KMT2D: variants seen among roughly 807,000 people sequenced by gnomAD.
The protein encoded by KMT2D is histone-lysine N-methyltransferase 2D.
KMT2D carries 55 observed loss-of-function variants against 512.7 expected under a neutral mutation model. That is an observed-to-expected ratio of 0.11 (90% CI 0.09 to 0.13). The LOEUF (loss-of-function observed/expected upper bound fraction) is 0.13, where lower values mean the gene tolerates loss of function less well. Among genes scored for constraint, KMT2D ranks in the 10% least tolerant of loss-of-function variants. The probability of loss-of-function intolerance (pLI) is 1.00; values close to 1 mark genes in which losing one functional copy is unlikely to be tolerated. For synonymous variants in KMT2D, 2,995 were observed against 2,904.0 expected (o/e 1.03, Z -1.01); for missense variants, 6,061 against 7,127.9 (o/e 0.85, Z 5.39).
In KMT2D at chr12:49,024,204, G is replaced by C. The variant is rs1942461144; in HGVS notation, c.16052+374C>G. 1 of 440,614 alleles carries C rather than the reference G, an allele frequency of 2.3e-6. No homozygotes were observed. Among genetic ancestry groups the C allele is most frequent in the African/African-American group, 2.0e-5 (1 of 49,736 alleles). The allele number at this position is 440,614 out of a possible 1,614,324, so 27.3% of individuals were successfully genotyped here. ...TTGACACCAACACTCATGGGGAAGGGAAGGTGACCCTAGCACCCATGGGGT... is the reference window on the plus strand; with the variant it reads ...TTGACACCAACACTCATGGGGAAGGCAAGGTGACCCTAGCACCCATGGGGT... On this transcript the variant is annotated intron_variant, in intron 51 of 54. Transcript: ENST00000301067. This position sits in a 1 kb window ranked among gnomAD's most constrained non-coding sequence, Gnocchi z 4.5.
Position 49,022,008 on chromosome 12 carries a change from C to T in KMT2D, c.16521+35G>A, listed in dbSNP as rs1267457205. 6.3e-7 allele frequency: 1 copy of T among 1,588,748 alleles called. No individual in the cohort carries two copies. Among genetic ancestry groups the T allele is most frequent in the South Asian group, 1.1e-5 (1 of 90,520 alleles). On this transcript the variant is annotated intron_variant, in intron 54 of 54. Coordinates refer to ENST00000301067, the MANE Select transcript of KMT2D (RefSeq NM_003482.4). This position sits in a 1 kb window ranked among gnomAD's most constrained non-coding sequence, Gnocchi z 8.6. The stretch of plus-strand genomic sequence containing the variant: ...AGAGAAGGGGTGAAAGGAGGAGGAG[C>T]TGCTTTGTCACTCAGTCAGGATACT...
intron 48 of KMT2D, 91 bp downstream of exon 48, chr12:49,027,712 C>A: frequency 6.7e-7 from 1 of 1,492,908 alleles, no homozygotes; most frequent in Non-Finnish European, 9.1e-7. Flanking sequence ...GCCTTGCCTC[C>A]CAAAGCACTG....
rs778603250 is a variant in KMT2D at position 49,041,107 on chromosome 12, G to T, written c.6663C>A (p.Gly2221=). ...MLGASSRPGA[G]QPGEFHTTPP... The stretch of plus-strand genomic sequence containing the variant: ...GGGTAGTGTGGAATTCCCCTGGCTG[G>T]CCAGCCCCAGGACGAGATGAGGCGC... Residue 2221 remains glycine (G), a synonymous_variant, in exon 32 of 55, where the codon GGC becomes GGA. Transcript: ENST00000301067. The surrounding 1 kb of genome is among the most constrained non-coding windows in gnomAD (Gnocchi z 5.4). The T allele has an allele frequency of 6.5e-7, 1 of 1,531,304 alleles. No homozygotes were observed. The highest frequency in any genetic ancestry group is 2.3e-5 in the East Asian group (1 of 44,308). The allele number at this position is 1,531,304 out of a possible 1,614,324, so 94.9% of individuals were successfully genotyped here. A position where few individuals can be genotyped will look rare whatever the true frequency, so the allele number is the denominator to read the frequency against.
chr12:49,051,004 G>A lies in KMT2D; in HGVS notation c.2679C>T (p.Pro893=), dbSNP rs2120661557. The change falls in exon 11 of 55, where the codon CCC becomes CCT. Residue 893 remains proline (P), a synonymous_variant. Transcript: ENST00000301067. ...FPPPGEPSLS[P]LLGEPALSEP... ...CAGACAGGGCTGGCTCTCCAAGCAA[G>A]GGAGATAAGGATGGTTCCCCAGGGG... 1 of 1,570,796 alleles carries A rather than the reference G, an allele frequency of 6.4e-7. No individual in the cohort carries two copies. The highest frequency in any genetic ancestry group is 1.4e-5 in the African/African-American group (1 of 73,564).
rs1943094357 is a variant in KMT2D at position 49,034,077 on chromosome 12, T to C, written c.10730A>G (p.Gln3577Arg). The change falls in exon 39 of 55, where the codon CAA becomes CGA. Residue 3577 changes from glutamine (Q) to arginine (R), a missense_variant. Gln to Arg is a conservative substitution (Grantham distance 43). Coordinates refer to ENST00000301067, the MANE Select transcript of KMT2D (RefSeq NM_003482.4). ...TTTGCTTTCCCCCACCTGATCCAGTTGTTTCTGGATCTTGCTCTGCTGCTC... is the reference window on the plus strand; with the variant it reads ...TTTGCTTTCCCCCACCTGATCCAGTCGTTTCTGGATCTTGCTCTGCTGCTC... ...VTEQQSKIQKQLDQVRKQQKE... is the reference protein window; with the variant it reads ...VTEQQSKIQKRLDQVRKQQKE... The C allele has an allele frequency of 1.2e-6, 2 of 1,612,108 alleles. No individual in the cohort carries two copies. The highest frequency in any genetic ancestry group is 1.7e-6 in the Non-Finnish European group (2 of 1,179,660).
At position 49,026,633 on chromosome 12, in the gene KMT2D, A is replaced by G. The variant is rs755656371; in HGVS notation, c.15333T>C (p.Asn5111=). Residue 5111 remains asparagine (N), a synonymous_variant, in exon 49 of 55, where the codon AAT becomes AAC. Coordinates refer to ENST00000301067, the MANE Select transcript of KMT2D (RefSeq NM_003482.4). This position sits in a 1 kb window ranked among gnomAD's most constrained non-coding sequence, Gnocchi z 9.6. ...TSSCNRMRCP[N]VYHFACAIRA... ...GGATGGCACAAGCAAAATGGTAGACATTGGGGCAACGCATGCGATTGCAGC... is the reference window on the plus strand; with the variant it reads ...GGATGGCACAAGCAAAATGGTAGACGTTGGGGCAACGCATGCGATTGCAGC... 1.9e-6 allele frequency: 3 copies of G among 1,614,020 alleles called. No individual in the cohort carries two copies. Among genetic ancestry groups the G allele is most frequent in the Non-Finnish European group, 2.5e-6 (3 of 1,179,902 alleles).
At position 49,037,664 on chromosome 12, in the gene KMT2D, T is replaced by C. The variant is rs2120483851; in HGVS notation, c.9692A>G (p.Asp3231Gly). ...TGAGCTCTCCATCTTGTCTAGCTCA[T>C]CCCCAGATGCTGCAGGTCCACCAGG... ...TLPGGPAASGDELDKMESSLV... is the reference protein window; with the variant it reads ...TLPGGPAASGGELDKMESSLV... The change falls in exon 35 of 55, where the codon GAT (aspartate) becomes GGT (glycine). Residue 3231 changes from aspartate to glycine, a missense_variant. Asp to Gly is a moderately conservative substitution (Grantham distance 94). Around this residue, in one of 16 missense-constraint regions of KMT2D, gnomAD observed 533 missense variants for 539.6 expected, o/e 0.99. Coordinates refer to ENST00000301067, the MANE Select transcript of KMT2D (RefSeq NM_003482.4). 1.3e-6 allele frequency: 2 copies of C among 1,581,260 alleles called. No individual in the cohort carries two copies. The highest frequency in any genetic ancestry group is 1.7e-6 in the Non-Finnish European group (2 of 1,163,516).
At chr12:49,034,516 C>G in intron 37 of KMT2D, 40 bp from the exon 38 acceptor site, 1 of 1,612,398 alleles carries the variant, frequency 6.2e-7, no homozygotes, top group African/African-American at 1.3e-5. Flanking sequence ...TTGTTCCCTG[C>G]TAGGCCCTAA....
chr12:49,037,347 G>A lies in KMT2D; in HGVS notation c.10009C>T (p.His3337Tyr). 6.2e-7 allele frequency: 1 copy of A among 1,611,868 alleles called. No homozygotes were observed. Among genetic ancestry groups the A allele is most frequent in the Non-Finnish European group, 8.5e-7 (1 of 1,179,176 alleles). The change falls in exon 35 of 55, where the codon CAT (histidine) becomes TAT (tyrosine). Residue 3337 changes from histidine to tyrosine, a missense_variant. Physicochemically the swap from His to Tyr is moderately conservative, Grantham distance 83. This residue lies in a region of KMT2D where 533 missense variants were observed against 539.6 expected (regional missense o/e 0.99). Transcript: ENST00000301067. ...QPLMPTQPPA[H>Y]ALQQRLAPSM... ...GGAGCCAGGCGTTGCTGGAGGGCAT[G>A]AGCTGGTGGCTGGGTGGGCATCAGT...
rs201599606 is a variant in KMT2D, at chr12:49,030,779, C to T, written c.13672-11G>A. The T allele has an allele frequency of 2.5e-6, 4 of 1,613,160 alleles. No individual in the cohort carries two copies. The African/African-American group carries it at 5.3e-5, about 22-fold the overall frequency. On this transcript the variant is annotated splice_polypyrimidine_tract_variant and intron_variant, in intron 41 of 54. Coordinates refer to ENST00000301067, the MANE Select transcript of KMT2D (RefSeq NM_003482.4). Reference sequence around the variant, plus strand: ...CAGCAGGGACAGCTCCTACAAGGGGCAAGATGACAAAGTTCAAAACCTGCA... The same window carrying T: ...CAGCAGGGACAGCTCCTACAAGGGGTAAGATGACAAAGTTCAAAACCTGCA...
chr12:49,043,392 C>T lies in KMT2D; in HGVS notation c.5504G>A (p.Arg1835His), dbSNP rs368134008. 10 of 1,613,846 alleles carry T rather than the reference C, an allele frequency of 6.2e-6. No homozygotes were observed. The highest frequency in any genetic ancestry group is 5.3e-5 in the African/African-American group (4 of 74,906). Residue 1835 changes from arginine (R) to histidine (H), a missense_variant, in exon 25 of 55, where the codon CGT becomes CAT. Arg to His is a conservative substitution (Grantham distance 29). Transcript: ENST00000301067. The stretch of plus-strand genomic sequence containing the variant: ...TGTATCGGCTTTGCCCTCGAGGCCA[C>T]GGGATTCTTCATCTGCAATATCTGG... ...DGPDIADEES[R>H]GLEGKADTPG... is the part of the protein sequence containing the mutation.
At position 49,050,929 on chromosome 12, in the gene KMT2D, G is replaced by T. The variant is rs771915579; in HGVS notation, c.2754C>A (p.Ser918=). The part of the protein sequence containing the change: ...LSPLPEELPL[S]PSGEPSLSPQ... Reference sequence around the variant, plus strand: ...GCGACAAGGATGGCTCCCCAGATGGGGACAACGGCAGCTCCTCGGGCAGAG... The same window carrying T: ...GCGACAAGGATGGCTCCCCAGATGGTGACAACGGCAGCTCCTCGGGCAGAG... Residue 918 remains serine (S), a synonymous_variant, in exon 11 of 55, where the codon TCC becomes TCA. Coordinates refer to ENST00000301067, the MANE Select transcript of KMT2D (RefSeq NM_003482.4). The T allele has an allele frequency of 6.5e-7, 1 of 1,538,344 alleles. No homozygotes were observed. Among genetic ancestry groups the T allele is most frequent in the East Asian group, 2.3e-5 (1 of 44,180 alleles).
chr12:49,052,506 T>G, intron 10 of KMT2D, 58 bp downstream of exon 10: 1 of 1,590,280 alleles, frequency 6.3e-7, no homozygotes, highest in South Asian at 1.1e-5. Flanking sequence ...ATGCACAAAC[T>G]GTCTCTTGCC....
At position 49,026,124 on chromosome 12, in the gene KMT2D, G is replaced by A. The variant is rs1466273012; in HGVS notation, c.15784+58C>T. 21 of 1,467,282 alleles carry A rather than the reference G, an allele frequency of 1.4e-5. No individual in the cohort carries two copies. The highest frequency in any genetic ancestry group is 1.9e-5 in the Non-Finnish European group (21 of 1,088,316). The allele number at this position is 1,467,282 out of a possible 1,614,324, so 90.9% of individuals were successfully genotyped here. A position where few individuals can be genotyped will look rare whatever the true frequency, so the allele number is the denominator to read the frequency against. ...GTCCTCTTATAGACATTGTAACAGT[G>A]ACCCTGGGAGAAACTTTTCCCATTC... On this transcript the variant is annotated intron_variant, in intron 49 of 54. Transcript: ENST00000301067. This position sits in a 1 kb window ranked among gnomAD's most constrained non-coding sequence, Gnocchi z 9.6.
chr12:49,055,596 T>C (rs1938361626), intron 1 of KMT2D, among the ~76,000 whole-genome samples: 1 of 152,222 alleles, frequency 6.6e-6, no homozygotes, highest in Admixed American at 6.5e-5. Flanking sequence ...TCCATTTGAC[T>C]TTCCCACTTC....
rs2120686876 is a variant in KMT2D at position 49,052,398 on chromosome 12, G to T, written c.1285C>A (p.Gln429Lys). 1 of 1,541,814 alleles carries T rather than the reference G, an allele frequency of 6.5e-7. No homozygotes were observed. Among genetic ancestry groups the T allele is most frequent in the Non-Finnish European group, 8.7e-7 (1 of 1,143,936 alleles). ...LGKAGVQLEP[Q>K]LEAPLNEEMP... ...TCCTCGTTTAGGGGGGCCTCCAACTGGGGCTCAAGTTGGACCCCTGCTTTC... is the reference window on the plus strand; with the variant it reads ...TCCTCGTTTAGGGGGGCCTCCAACTTGGGCTCAAGTTGGACCCCTGCTTTC... Residue 429 changes from glutamine (Q) to lysine (K), a missense_variant, in exon 11 of 55, where the codon CAG becomes AAG. Coordinates refer to ENST00000301067, the MANE Select transcript of KMT2D (RefSeq NM_003482.4).
Position 49,039,153 on chromosome 12 carries a change from C to G in KMT2D, c.8366+69G>C. On this transcript the variant is annotated intron_variant, in intron 34 of 54. Coordinates refer to ENST00000301067, the MANE Select transcript of KMT2D (RefSeq NM_003482.4). This position sits in a 1 kb window ranked among gnomAD's most constrained non-coding sequence, Gnocchi z 5.0. ...AAGGATTAGTGATACAGGAAAATCACAAGAGCTTCCAACAGTGATAAAATC... is the reference window on the plus strand; with the variant it reads ...AAGGATTAGTGATACAGGAAAATCAGAAGAGCTTCCAACAGTGATAAAATC... 1.3e-6 allele frequency: 2 copies of G among 1,589,844 alleles called. No individual in the cohort carries two copies. Among genetic ancestry groups the G allele is most frequent in the Non-Finnish European group, 1.7e-6 (2 of 1,164,726 alleles).
Position 49,050,104 on chromosome 12 carries a change from G to A in KMT2D, c.3484C>T (p.Pro1162Ser), listed in dbSNP as rs778684678. The A allele has an allele frequency of 1.1e-5, 18 of 1,613,414 alleles. No homozygotes were observed. The highest frequency in any genetic ancestry group is 1.5e-5 in the Non-Finnish European group (18 of 1,179,752). The change falls in exon 12 of 55, where the codon CCT becomes TCT. Residue 1162 changes from proline to serine, a missense_variant. Physicochemically the swap from Pro to Ser is moderately conservative, Grantham distance 74 (BLOSUM62 -1). Around this residue, in one of 16 missense-constraint regions of KMT2D, gnomAD observed 447 missense variants for 500.1 expected, o/e 0.89. Transcript: ENST00000301067. Reference protein sequence around the residue: ...PVLLDPEELAPVTPMEVYPEC... With the variant: ...PVLLDPEELASVTPMEVYPEC... The stretch of plus-strand genomic sequence containing the variant: ...GGGTAGACCTCCATAGGGGTCACAG[G>A]GGCCAGCTCCTCGGGGTCCAGGAGC...
chr12:49,052,382 AG>A lies in KMT2D; in HGVS notation c.1300del (p.Leu434Ter), dbSNP rs398123715. ...GGGCAGCAGTGGCATCTCCTCGTTT[AG>A]GGGGGCCTCCAACTGGGGCTCAAGT... ...VQLEPQLEAP[L>X]NEEMPLLPPP... is the part of the protein sequence containing the mutation. On this transcript the variant is annotated frameshift_variant, in exon 11 of 55. Transcript: ENST00000301067. LOFTEE classifies it high-confidence loss of function. 6.5e-7 allele frequency: 1 copy of A among 1,541,432 alleles called. No homozygotes were observed. Among genetic ancestry groups the A allele is most frequent in the Admixed American group, 2.0e-5 (1 of 51,076 alleles).
Sources: gnomAD v4.1 joint callset for allele counts (sites outside exome capture counted in the v4.1 genomes callset) on GRCh38, gnomAD v4.1.1 for gene constraint, gnomAD v4.1.1 regional missense constraint, Gnocchi (gnomAD v3.1) non-coding constraint, MANE v1.5 for transcripts, NCBI Gene and HGNC (gene_info 2026-07-23, HGNC 2026-07-21) for gene names.